The following SPATA12 variants were observed in gnomAD, a reference collection of about 807,000 sequenced individuals.
SPATA12 encodes spermatogenesis-associated protein 12.
For synonymous variants in SPATA12, 85 were observed against 89.2 expected (o/e 0.95, Z 0.26); for missense variants, 219 against 226.4 (o/e 0.97, Z 0.21).
At chr3:57,067,815 T>TAAAA (rs542326960) in intron 1 of SPATA12, among the ~76,000 whole-genome samples, 2 of 139,986 alleles carry the variant, frequency 1.4e-5, no homozygotes, top group African/African-American at 5.2e-5. Flanking sequence ...CCGTCTCTAC[T>TAAAA]AAAAAAAAAA....
intron 1 of SPATA12, 72 bp downstream of exon 1, chr3:57,060,858 C>T (rs1705187578): frequency 6.6e-6 from 1 of 151,144 alleles, no homozygotes; most frequent in African/African-American, 2.4e-5. Flanking sequence ...ACCACCACCA[C>T]TTCTTTTTTG....
At position 57,073,410 on chromosome 3, in the gene SPATA12, C is replaced by A. The variant is rs890799001; in HGVS notation, c.-285C>A. 5.6e-6 allele frequency: 2 copies of A among 357,992 alleles called. No homozygotes were observed. The highest frequency in any genetic ancestry group is 8.6e-5 in the Admixed American group (2 of 23,264). 22.2% of individuals were successfully genotyped at this position (357,992 alleles called of 1,614,324 possible). A position where few individuals can be genotyped will look rare whatever the true frequency, so the allele number is the denominator to read the frequency against. ...AGAGAAAGCCACTGGAGTTGGGCAG[C>A]GTGGGAAGCTGTGAAAGTGGACAAG... On this transcript the variant is annotated 5_prime_UTR_variant, in exon 2 of 2. Transcript: ENST00000334325.
intron 1 of SPATA12, among the ~76,000 whole-genome samples, chr3:57,064,194 G>C (rs749017233): frequency 6.6e-6 from 1 of 152,196 alleles, no homozygotes; most frequent in Non-Finnish European, 1.5e-5. Flanking sequence ...GCTTGAGCCT[G>C]GGGGGTAGAG....
chr3:57,062,514 G>A (rs766712245), intron 1 of SPATA12, among the ~76,000 whole-genome samples: 1 of 152,160 alleles, frequency 6.6e-6, no homozygotes, highest in Non-Finnish European at 1.5e-5. Context: ...AAGGAAGCAG[G>A]GCAAGTGCCC....
chr3:57,067,318 G>A (rs1430129947), intron 1 of SPATA12, among the ~76,000 whole-genome samples: 1 of 151,752 alleles, frequency 6.6e-6, no homozygotes, highest in Non-Finnish European at 1.5e-5. Flanking sequence ...AGCCGGGCGT[G>A]GTGGCGGGCG....
intron 1 of SPATA12, among the ~76,000 whole-genome samples, chr3:57,069,147 T>C (rs1422093059): frequency 6.6e-6 from 1 of 152,102 alleles, no homozygotes; most frequent in South Asian, 2.1e-4. Context: ...GGTCTTGAAC[T>C]CCTGACCTCG....
At chr3:57,063,096 G>A (rs142396237) in intron 1 of SPATA12, among the ~76,000 whole-genome samples, 1 of 152,240 alleles carries the variant, frequency 6.6e-6, no homozygotes, top group Admixed American at 6.5e-5. Context: ...TGAAGGAAAT[G>A]AGGGACCAAG....
chr3:57,068,600 A>AC (rs1396686529), intron 1 of SPATA12, among the ~76,000 whole-genome samples: 2 of 152,220 alleles, frequency 1.3e-5, no homozygotes, highest in Non-Finnish European at 2.9e-5. Context: ...GCAAGACTGC[A>AC]CAGGGCTTTT....
At chr3:57,067,783 C>T (rs1371878535) in intron 1 of SPATA12, among the ~76,000 whole-genome samples, 3 of 150,014 alleles carry the variant, frequency 2.0e-5, no homozygotes, top group Non-Finnish European at 4.4e-5. Context: ...AGATCGAGAC[C>T]ATTGGCTAAC....
rs975565260 is a variant in SPATA12 at position 57,074,451 on chromosome 3, T to C, written c.*184T>C. The C allele has an allele frequency of 6.5e-6, 4 of 611,112 alleles. No individual in the cohort carries two copies. The highest frequency in any genetic ancestry group is 1.9e-5 in the African/African-American group (1 of 53,770). 37.9% of individuals were successfully genotyped at this position (611,112 alleles called of 1,614,324 possible). A position where few individuals can be genotyped will look rare whatever the true frequency, so the allele number is the denominator to read the frequency against. ...TGTCACACTTCCCCAATATCACAGA[T>C]GAAGAAATCAAGATTCAGAAAGGTT... On this transcript the variant is annotated 3_prime_UTR_variant, in exon 2 of 2. Transcript: ENST00000334325.
intron 1 of SPATA12, among the ~76,000 whole-genome samples, chr3:57,068,843 A>G: frequency 6.6e-6 from 1 of 152,066 alleles, no homozygotes; most frequent in South Asian, 2.1e-4. Context: ...CCCTCACTAA[A>G]GGATGGAAAC....
rs148808235 is a variant in SPATA12, at chr3:57,061,969, A to G, written c.-330+1183A>G. ...AAAACAAGGTGCTGCTCTGCCTACA[A>G]GCATTTTCTGCCCTGAATAATGCCT... On this transcript the variant is annotated intron_variant, in intron 1 of 1. Transcript: ENST00000334325. 2.4e-4 allele frequency among the ~76,000 whole-genome samples: 36 copies of G among 152,256 alleles called. No homozygotes were observed. In the East Asian group the frequency reaches 3.1e-3, roughly 13 times the overall value.
intron 1 of SPATA12, among the ~76,000 whole-genome samples, chr3:57,070,270 A>G (rs1200259870): frequency 6.6e-6 from 1 of 152,200 alleles, no homozygotes; most frequent in Non-Finnish European, 1.5e-5. Context: ...CAGATCTGTC[A>G]TATGTGTGTC....
intron 1 of SPATA12, among the ~76,000 whole-genome samples, chr3:57,066,469 G>C (rs1313702939): frequency 6.6e-6 from 1 of 152,126 alleles, no homozygotes; most frequent in African/African-American, 2.4e-5. Context: ...CACCATGTTG[G>C]CTAGGCTGGT....
chr3:57,060,843 C>A (rs1471544736), intron 1 of SPATA12, 57 bp downstream of exon 1: 1 of 146,260 alleles, frequency 6.8e-6, no homozygotes, highest in Non-Finnish European at 1.5e-5. Flanking sequence ...CACACATGGG[C>A]ACACACCACC....
intron 1 of SPATA12, among the ~76,000 whole-genome samples, chr3:57,064,308 CT>C (rs138078621): frequency 8.0e-5 from 12 of 149,186 alleles, no homozygotes; most frequent in East Asian, 7.8e-4. Context: ...GAAATTCTTT[CT>C]TTTTTTTTTC....
intron 1 of SPATA12, among the ~76,000 whole-genome samples, chr3:57,068,056 C>T (rs1705663095): frequency 6.6e-6 from 1 of 152,018 alleles, no homozygotes; most frequent in Non-Finnish European, 1.5e-5. Context: ...ACCTGTAGTC[C>T]CAGTTACTCT....
chr3:57,071,102 C>T (rs1705875375), intron 1 of SPATA12, among the ~76,000 whole-genome samples: 2 of 151,888 alleles, frequency 1.3e-5, no homozygotes, highest in Admixed American at 6.6e-5. Context: ...GCAATACTGG[C>T]ATAAGGATAG....
chr3:57,067,414 C>T (rs1262460741), intron 1 of SPATA12, among the ~76,000 whole-genome samples: 5 of 150,768 alleles, frequency 3.3e-5, no homozygotes, highest in African/African-American at 7.3e-5. Context: ...AAGATTGCGC[C>T]ACTGCACTCC....
Sources: gnomAD v4.1 joint callset for allele counts (sites outside exome capture counted in the v4.1 genomes callset) on GRCh38, gnomAD v4.1.1 for gene constraint, MANE v1.5 for transcripts, NCBI Gene and HGNC (gene_info 2026-07-23, HGNC 2026-07-21) for gene names.